Variants in CDX1 observed in about 807,000 individuals in gnomAD.
CDX1 encodes the protein homeobox protein CDX-1.
A neutral mutation model predicts 16.9 loss-of-function variants in CDX1; 9 were observed. That is an observed-to-expected ratio of 0.53 (90% CI 0.32 to 0.93). The LOEUF (loss-of-function observed/expected upper bound fraction) is 0.93, where lower values mean the gene tolerates loss of function less well. Ranked by LOEUF, CDX1 falls within the 40% of genes least tolerant of loss-of-function variation. The probability of loss-of-function intolerance (pLI) is 0.04; values close to 1 mark genes in which losing one functional copy is unlikely to be tolerated. For missense variants in CDX1, 393 were observed against 386.1 expected, an observed-to-expected ratio of 1.02 and a Z score of -0.15; for synonymous variants, 179 against 179.0, an observed-to-expected ratio of 1.00 and a Z score of 0.00.
chr5:150,167,249 C>T lies in CDX1; in HGVS notation c.373C>T (p.Pro125Ser). The change falls in exon 1 of 3, where the codon CCC becomes TCC. Residue 125 changes from proline (P) to serine (S), a missense_variant. By Grantham distance (74) the Pro-to-Ser change is moderately conservative (BLOSUM62 -1). Transcript: ENST00000231656. Reference sequence around the variant, plus strand: ...CGGGGGCCCGGGCACACCGTCCTCGCCCGGAGCGCAGAGGCCGACGCCCTA... The same window carrying T: ...CGGGGGCCCGGGCACACCGTCCTCGTCCGGAGCGCAGAGGCCGACGCCCTA... ...PLGGPGTPSS[P>S]GAQRPTPYEW... 7.9e-7 allele frequency: 1 copy of T among 1,266,114 alleles called. No individual in the cohort carries two copies. The highest frequency in any genetic ancestry group is 9.9e-7 in the Non-Finnish European group (1 of 1,012,070). 78.4% of individuals were successfully genotyped at this position (1,266,114 alleles called of 1,614,324 possible). A position where few individuals can be genotyped will look rare whatever the true frequency, so the allele number is the denominator to read the frequency against.
chr5:150,167,548 A>G (rs1234145453), intron 1 of CDX1, among the ~76,000 whole-genome samples: 1 of 152,168 alleles, frequency 6.6e-6, no homozygotes, highest in Non-Finnish European at 1.5e-5. Context: ...AGATAGGGAA[A>G]CCGAGACCCC....
In CDX1 at chr5:150,183,119, G is replaced by A. The variant is rs919350229; in HGVS notation, c.591+206G>A. Among the ~76,000 whole-genome samples, 12 of 152,366 alleles carry A rather than the reference G, an allele frequency of 7.9e-5. No individual in the cohort carries two copies. The East Asian group carries it at 2.3e-3, about 29-fold the overall frequency. On this transcript the variant is annotated intron_variant, in intron 2 of 2. Transcript: ENST00000231656. Reference sequence around the variant, plus strand: ...CCTTGCCCCCAAAGGCAGGGGTAAGGGGATCTGATTAGCCACAGGCTACAG... The same window carrying A: ...CCTTGCCCCCAAAGGCAGGGGTAAGAGGATCTGATTAGCCACAGGCTACAG...
intron 1 of CDX1, among the ~76,000 whole-genome samples, chr5:150,167,528 C>G (rs1433048526): frequency 6.6e-6 from 1 of 152,228 alleles, no homozygotes; most frequent in Non-Finnish European, 1.5e-5. Flanking sequence ...GCCTAACCCT[C>G]TCTCTGTACA....
At chr5:150,183,305 A>AG (rs1752493233) in intron 2 of CDX1, among the ~76,000 whole-genome samples, 169 bp from the exon 3 acceptor site, 1 of 152,092 alleles carries the variant, frequency 6.6e-6, no homozygotes, top group African/African-American at 2.4e-5. Context: ...TGCAATGTCT[A>AG]GAGGGGGAGA....
chr5:150,177,490 A>G (rs1761583339), intron 1 of CDX1, among the ~76,000 whole-genome samples: 1 of 152,074 alleles, frequency 6.6e-6, no homozygotes, highest in African/African-American at 2.4e-5. Context: ...GGTTGGAGAG[A>G]ACTACAAGAA....
chr5:150,168,528 T>C (rs911563270), intron 1 of CDX1, among the ~76,000 whole-genome samples: 18 of 150,436 alleles, frequency 1.2e-4, no homozygotes, highest in Non-Finnish European at 2.5e-4. Context: ...AACACTTAAC[T>C]AACGGACCAG....
chr5:150,177,846 G>GGAACTCC lies in CDX1; in HGVS notation c.446-4921_446-4915dup, dbSNP rs1761588513. On this transcript the variant is annotated intron_variant, in intron 1 of 2. Coordinates refer to ENST00000231656, the MANE Select transcript of CDX1 (RefSeq NM_001804.3). ...TAATGACATCCAGGAGCTCTGGGCT[G>GGAACTCC]GAACTCCTGACTGCCCCGAGACACC... Among the ~76,000 whole-genome samples, 4 of 152,278 alleles carry GGAACTCC rather than the reference G, an allele frequency of 2.6e-5. No homozygotes were observed. The South Asian group carries it at 8.3e-4, about 32-fold the overall frequency.
chr5:150,174,592 C>T (rs1019245872), intron 1 of CDX1, among the ~76,000 whole-genome samples: 4 of 152,194 alleles, frequency 2.6e-5, no homozygotes, highest in African/African-American at 9.7e-5. Context: ...ACCAGCTGCA[C>T]ATGGCTGTTG....
rs78409568 is a variant in CDX1 at position 150,181,934 on chromosome 5, G to A, written c.446-834G>A. On this transcript the variant is annotated intron_variant, in intron 1 of 2. Coordinates refer to ENST00000231656, the MANE Select transcript of CDX1 (RefSeq NM_001804.3). Reference sequence around the variant, plus strand: ...CCTGGACACAGGGGGATGTGTGGACGGCTTGGGCAGACCAGCCTCCGGCCT... The same window carrying A: ...CCTGGACACAGGGGGATGTGTGGACAGCTTGGGCAGACCAGCCTCCGGCCT... Among the ~76,000 whole-genome samples the A allele has an allele frequency of 3.0e-3, 456 of 152,256 alleles. 1 individual carries two copies. The highest frequency in any genetic ancestry group is 0.01 in the African/African-American group (434 of 41,554).
chr5:150,176,268 G>C (rs561506796), intron 1 of CDX1, among the ~76,000 whole-genome samples: 48 of 152,276 alleles, frequency 3.2e-4, no homozygotes, highest in Middle Eastern at 3.4e-3. Flanking sequence ...CCTTTCCTTT[G>C]CCTATTGGCC....
chr5:150,180,257 C>A (rs1356068869), intron 1 of CDX1, among the ~76,000 whole-genome samples: 2 of 152,232 alleles, frequency 1.3e-5, no homozygotes, highest in Non-Finnish European at 2.9e-5. Context: ...CAATCTGGAG[C>A]CAAGGCCTGG....
chr5:150,183,371 C>T (rs1311044608), intron 2 of CDX1, 103 bp from the exon 3 acceptor site: 2 of 1,070,544 alleles, frequency 1.9e-6, no homozygotes, highest in Admixed American at 5.7e-5. Context: ...GCCACAAAGC[C>T]ACATGGAGAA....
intron 2 of CDX1, among the ~76,000 whole-genome samples, 166 bp from the exon 3 acceptor site, chr5:150,183,308 G>T (rs1365787636): frequency 1.3e-5 from 2 of 152,132 alleles, no homozygotes; most frequent in Non-Finnish European, 2.9e-5. Context: ...AATGTCTAGA[G>T]GGGGAGAATG....
chr5:150,167,176 G>C lies in CDX1; in HGVS notation c.300G>C (p.Pro100=), dbSNP rs903089600. 2.0e-5 allele frequency: 25 copies of C among 1,276,348 alleles called. No homozygotes were observed. In the African/African-American group the frequency reaches 3.9e-4, roughly 20 times the overall value. 79.1% of individuals were successfully genotyped at this position (1,276,348 alleles called of 1,614,324 possible). Residue 100 remains proline (P), a synonymous_variant, in exon 1 of 3, where the codon CCG becomes CCC. Transcript: ENST00000231656. The part of the protein sequence containing the change: ...LAFGPPPDFS[P]VPAPPGPGPG... ...TCGGGCCCCCTCCAGACTTTAGCCC[G>C]GTGCCGGCGCCCCCTGGGCCCGGCC... is the stretch of plus-strand genomic sequence containing the variant.
intron 1 of CDX1, among the ~76,000 whole-genome samples, chr5:150,173,341 C>T (rs1037688141): frequency 6.6e-6 from 1 of 152,238 alleles, no homozygotes; most frequent in African/African-American, 2.4e-5. Context: ...GAGAGCTGCC[C>T]TCTCTGCCCT....
intron 1 of CDX1, among the ~76,000 whole-genome samples, chr5:150,169,707 A>G (rs1176714129): frequency 1.3e-5 from 2 of 152,110 alleles, no homozygotes; most frequent in African/African-American, 4.8e-5. Context: ...CTGAAGGAGG[A>G]TCAGTGCATG....
At position 150,167,009 on chromosome 5, in the gene CDX1, T is replaced by C. The variant is rs1403348344; in HGVS notation, c.133T>C (p.Phe45Leu). 3 of 1,418,370 alleles carry C rather than the reference T, an allele frequency of 2.1e-6. No individual in the cohort carries two copies. Among genetic ancestry groups the C allele is most frequent in the Admixed American group, 2.8e-5 (1 of 35,654 alleles). 87.9% of individuals were successfully genotyped at this position (1,418,370 alleles called of 1,614,324 possible). A position where few individuals can be genotyped will look rare whatever the true frequency, so the allele number is the denominator to read the frequency against. Residue 45 changes from phenylalanine to leucine, a missense_variant, in exon 1 of 3, where the codon TTC becomes CTC. Transcript: ENST00000231656. Reference sequence around the variant, plus strand: ...CCCGGCGCCCCCGCAGTACCCCGACTTCTCCAGCTACTCTCACGTGGAGCC... The same window carrying C: ...CCCGGCGCCCCCGCAGTACCCCGACCTCTCCAGCTACTCTCACGTGGAGCC... The part of the protein sequence containing the change: ...PPPAPPQYPD[F>L]SSYSHVEPAP...
intron 2 of CDX1, among the ~76,000 whole-genome samples, chr5:150,183,209 TA>T (rs1486286778): frequency 6.6e-6 from 1 of 151,990 alleles, no homozygotes; most frequent in African/African-American, 2.4e-5. Context: ...GTCACAGGGA[TA>T]ACAAGGAAGG....
rs1437358315 is a variant in CDX1 at position 150,167,095 on chromosome 5, C to G, written c.219C>G (p.Ala73=). Residue 73 remains alanine (A), a synonymous_variant, in exon 1 of 3, where the codon GCC becomes GCG. Coordinates refer to ENST00000231656, the MANE Select transcript of CDX1 (RefSeq NM_001804.3). ...APFPAPKDDW[A]AAYGPGPAAP... ...TCCCTGCGCCCAAGGACGACTGGGC[C>G]GCCGCCTACGGCCCGGGCCCCGCGG... 1.5e-6 allele frequency: 2 copies of G among 1,372,630 alleles called. No homozygotes were observed. The highest frequency in any genetic ancestry group is 1.9e-6 in the Non-Finnish European group (2 of 1,070,678). 85.0% of individuals were successfully genotyped at this position (1,372,630 alleles called of 1,614,324 possible).
Sources: allele counts gnomAD v4.1 joint callset (sites outside exome capture counted in the v4.1 genomes callset), GRCh38; gene constraint gnomAD v4.1.1; transcripts MANE v1.5; gene names NCBI Gene and HGNC (gene_info 2026-07-23, HGNC 2026-07-21).